Variants in DPYD observed in about 807,000 individuals in gnomAD.
DPYD encodes dihydropyrimidine dehydrogenase, also known as dihydropyrimidine dehydrogenase [NADP(+)].
DPYD carries 109 observed loss-of-function variants against 116.2 expected under a neutral mutation model. The ratio of observed to expected loss-of-function variants is 0.94; its 90% CI spans 0.80 to 1.10. DPYD has a LOEUF of 1.10. Ranked by LOEUF, DPYD falls within the 50% of genes least tolerant of loss-of-function variation. The pLI is 0.00. For missense variants in DPYD, 1,302 were observed against 1,254.5 expected (o/e 1.04, Z -0.57); for synonymous variants, 440 against 432.0 (o/e 1.02, Z -0.23).
At chr1:97,371,104 T>C (rs905540532) in intron 16 of DPYD, among the ~76,000 whole-genome samples, 2 of 152,154 alleles carry the variant, frequency 1.3e-5, no homozygotes, top group African/African-American at 4.8e-5. Flanking sequence ...GTTACATCTA[T>C]ATAATGTTGA....
At chr1:97,248,699 C>T (rs1055018632) in intron 18 of DPYD, among the ~76,000 whole-genome samples, 57 of 152,042 alleles carry the variant, frequency 3.7e-4, no homozygotes, top group African/African-American at 1.4e-3. Flanking sequence ...TGAGACTATC[C>T]TCAATCTGAC....
chr1:97,617,790 C>T (rs1026165300), intron 8 of DPYD, among the ~76,000 whole-genome samples: 2 of 152,154 alleles, frequency 1.3e-5, no homozygotes, highest in Non-Finnish European at 2.9e-5. Flanking sequence ...ACTCAGACTC[C>T]ACCCCTCTGA....
intron 13 of DPYD, among the ~76,000 whole-genome samples, chr1:97,504,281 G>C (rs1271073332): frequency 6.6e-6 from 1 of 151,886 alleles, no homozygotes; most frequent in Admixed American, 6.6e-5. Context: ...ATATCGAAAA[G>C]GTGTGAGTTG....
intron 12 of DPYD, among the ~76,000 whole-genome samples, chr1:97,536,032 A>C (rs1212434772): frequency 1.3e-5 from 2 of 152,226 alleles, no homozygotes; most frequent in Non-Finnish European, 2.9e-5. Flanking sequence ...CAACTGAAGA[A>C]GACTTCATTT....
At chr1:97,732,095 C>G (rs1034941594) in intron 4 of DPYD, among the ~76,000 whole-genome samples, 2 of 152,034 alleles carry the variant, frequency 1.3e-5, no homozygotes, top group African/African-American at 2.4e-5. Flanking sequence ...AATTGACTAA[C>G]ATTTGCTTTG....
rs1362287895 is a variant in DPYD at position 97,202,716 on chromosome 1, C to T, written c.2443-9468G>A. On this transcript the variant is annotated intron_variant, in intron 19 of 22. Transcript: ENST00000370192. ...TAGTCAAAGGGCTGTGCCCTGCAGGCGAGACTGCCCTGCCCCCTTCCTTGT... is the reference window on the plus strand; with the variant it reads ...TAGTCAAAGGGCTGTGCCCTGCAGGTGAGACTGCCCTGCCCCCTTCCTTGT... Among the ~76,000 whole-genome samples, 4 of 152,176 alleles carry T rather than the reference C, an allele frequency of 2.6e-5. No individual in the cohort carries two copies. The East Asian group carries it at 5.8e-4, about 22-fold the overall frequency.
chr1:97,569,808 C>T lies in DPYD; in HGVS notation c.1339+3952G>A, dbSNP rs369723045. 5.4e-4 allele frequency among the ~76,000 whole-genome samples: 82 copies of T among 152,044 alleles called. 1 individual carries two copies. The highest frequency in any genetic ancestry group is 3.4e-3 in the Middle Eastern group (1 of 294). On this transcript the variant is annotated intron_variant, in intron 11 of 22. Transcript: ENST00000370192. ...AAGTATTCAATTAAATTATGCTGAT[C>T]GGCACATAACATATTCCATGCACAT... is the stretch of plus-strand genomic sequence containing the variant.
chr1:97,533,816 C>T (rs1050562551), intron 12 of DPYD, among the ~76,000 whole-genome samples: 7 of 151,974 alleles, frequency 4.6e-5, no homozygotes, highest in Non-Finnish European at 1.0e-4. Flanking sequence ...AAGAGAAAAC[C>T]AGCGTAGTTG....
At position 97,724,298 on chromosome 1, in the gene DPYD, GGGGGGGGGGGTGTGTGTGT is replaced by G. The variant is rs1222650919; in HGVS notation, c.322-2646_322-2628del. Among the ~76,000 whole-genome samples, 12 of 18,722 alleles carry G rather than the reference GGGGGGGGGGGTGTGTGTGT, an allele frequency of 6.4e-4. 1 individual carries two copies. Among genetic ancestry groups the G allele is most frequent in the African/African-American group, 2.2e-3 (12 of 5,532 alleles). The allele number at this position is 18,722 out of a possible 152,430, so 12.3% of individuals were successfully genotyped here. A position where few individuals can be genotyped will look rare whatever the true frequency, so the allele number is the denominator to read the frequency against. ...CAGAAAGAATAGGATGTATGTGGGG[GGGGGGGGGGGTGTGTGTGT>G]GTGTGTGTGTGTGTGTGTGTGTGTG... On this transcript the variant is annotated intron_variant, in intron 4 of 22. Coordinates refer to ENST00000370192, the MANE Select transcript of DPYD (RefSeq NM_000110.4).
intron 5 of DPYD, chr1:97,720,978 T>C: frequency 6.3e-7 from 1 of 1,589,916 alleles, no homozygotes; most frequent in Non-Finnish European, 8.5e-7. Flanking sequence ...CTTATACATT[T>C]TTTACCCAAA....
intron 8 of DPYD, among the ~76,000 whole-genome samples, chr1:97,605,638 C>T (rs889177117): frequency 6.6e-6 from 1 of 152,014 alleles, no homozygotes; most frequent in African/African-American, 2.4e-5. Context: ...TATACTACTT[C>T]ACTATAAATA....
intron 2 of DPYD, chr1:97,856,244 CCTT>C (rs779298143): frequency 1.3e-5 from 2 of 152,118 alleles, no homozygotes; most frequent in Non-Finnish European, 2.9e-5. Context: ...AATTTCAAGT[CCTT>C]CTTGAACTGA....
chr1:97,498,239 G>A (rs1336696322), intron 13 of DPYD, among the ~76,000 whole-genome samples: 1 of 151,654 alleles, frequency 6.6e-6, no homozygotes, highest in Non-Finnish European at 1.5e-5. Flanking sequence ...AAATTAGATA[G>A]TGATGATGGA....
chr1:97,701,809 A>G (rs1361689243), intron 5 of DPYD, among the ~76,000 whole-genome samples: 1 of 151,840 alleles, frequency 6.6e-6, no homozygotes, highest in East Asian at 1.9e-4. Flanking sequence ...TCATTCTAAT[A>G]CTTTGTCACT....
chr1:97,860,899 T>C (rs952382008), intron 2 of DPYD, among the ~76,000 whole-genome samples: 26 of 152,084 alleles, frequency 1.7e-4, no homozygotes, highest in African/African-American at 5.8e-4. Flanking sequence ...AGGAGGGACT[T>C]AAAAAAGAGA....
In DPYD at chr1:97,699,545, T is replaced by C; in HGVS notation, c.486A>G (p.Val162=). The change falls in exon 6 of 23, where the codon GTA becomes GTG. Residue 162 remains valine, a splice_region_variant and synonymous_variant. Coordinates refer to ENST00000370192, the MANE Select transcript of DPYD (RefSeq NM_000110.4). The part of the protein sequence containing the change: ...IGGLQQFATE[V]FKAMSIPQIR... ...TCTGTGGGATACTCATTGCTTTGAATACCTACGGGGAAATCAATTGTCATG... is the reference window on the plus strand; with the variant it reads ...TCTGTGGGATACTCATTGCTTTGAACACCTACGGGGAAATCAATTGTCATG... 1 of 1,613,408 alleles carries C rather than the reference T, an allele frequency of 6.2e-7. No individual in the cohort carries two copies. The highest frequency in any genetic ancestry group is 2.2e-5 in the East Asian group (1 of 44,860).
intron 1 of DPYD, among the ~76,000 whole-genome samples, chr1:97,903,672 A>G (rs1436039007): frequency 1.3e-5 from 2 of 151,936 alleles, no homozygotes; most frequent in Non-Finnish European, 2.9e-5. Flanking sequence ...CTTTTTTCAC[A>G]TTCAGGCCCA....
intron 13 of DPYD, among the ~76,000 whole-genome samples, chr1:97,468,176 T>C (rs894310007): frequency 2.6e-5 from 4 of 152,246 alleles, no homozygotes; most frequent in Non-Finnish European, 5.9e-5. Flanking sequence ...TCCATATGTA[T>C]ATATGTATTA....
intron 20 of DPYD, among the ~76,000 whole-genome samples, chr1:97,120,164 T>C (rs745731748): frequency 6.6e-6 from 1 of 152,208 alleles, no homozygotes; most frequent in African/African-American, 2.4e-5. Context: ...GTTAATGCCC[T>C]TTCTTCATAT....
Sources: allele counts gnomAD v4.1 joint callset (sites outside exome capture counted in the v4.1 genomes callset), GRCh38; gene constraint gnomAD v4.1.1; transcripts MANE v1.5; gene names NCBI Gene and HGNC (gene_info 2026-07-23, HGNC 2026-07-21).